The following TBC1D5 variants were observed in gnomAD, a reference collection of about 807,000 sequenced individuals.
The protein encoded by TBC1D5 is TBC1 domain family, member 5.
Under a neutral mutation model 100.3 loss-of-function variants are expected in TBC1D5, and 75 were observed. The ratio of observed to expected loss-of-function variants is 0.75; its 90% CI spans 0.62 to 0.91. TBC1D5 has a LOEUF of 0.91. Among genes scored for constraint, TBC1D5 ranks in the 40% least tolerant of loss-of-function variants. The pLI is 0.00. For missense variants in TBC1D5, 910 were observed against 942.4 expected, an observed-to-expected ratio of 0.97 and a Z score of 0.45; for synonymous variants, 323 against 325.6, an observed-to-expected ratio of 0.99 and a Z score of 0.09.
rs2086101842 is a variant in TBC1D5, at chr3:17,326,098, T to A, written c.996-17964A>T. Among the ~76,000 whole-genome samples, 5 of 152,304 alleles carry A rather than the reference T, an allele frequency of 3.3e-5. No homozygotes were observed. The South Asian group carries it at 8.3e-4, about 25-fold the overall frequency. On this transcript the variant is annotated intron_variant, in intron 13 of 21. Transcript: ENST00000253692. Reference sequence around the variant, plus strand: ...ATGTAAGGAAGAAAAGAATATTAAATATCTAATAGAAATATAAACAGGCAC... The same window carrying A: ...ATGTAAGGAAGAAAAGAATATTAAAAATCTAATAGAAATATAAACAGGCAC...
intron 4 of TBC1D5, among the ~76,000 whole-genome samples, chr3:17,413,204 T>C (rs1410846964): frequency 6.6e-6 from 1 of 151,846 alleles, no homozygotes; most frequent in Non-Finnish European, 1.5e-5. Context: ...TGAAGATGAG[T>C]AGGTTTCATT....
intron 17 of TBC1D5, among the ~76,000 whole-genome samples, chr3:17,228,616 G>A (rs899002519): frequency 7.9e-5 from 12 of 151,956 alleles, no homozygotes; most frequent in African/African-American, 1.9e-4. Flanking sequence ...GCCTGGCAGA[G>A]CAACTGAAAT....
intron 1 of TBC1D5, among the ~76,000 whole-genome samples, chr3:17,703,903 GTTT>G (rs36000123): frequency 0.51 from 74,483 of 145,062 alleles, 20,149 homozygotes; most frequent in East Asian, 0.94. Flanking sequence ...TGATATTTGT[GTTT>G]TTTTTTTGTT....
At chr3:17,677,306 GA>G (rs2068771840) in intron 1 of TBC1D5, among the ~76,000 whole-genome samples, 1 of 151,894 alleles carries the variant, frequency 6.6e-6, no homozygotes, top group South Asian at 2.1e-4. Context: ...AAATTTACAA[GA>G]AAAAAACAAC....
At chr3:17,222,927 T>A (rs1434605503) in intron 17 of TBC1D5, among the ~76,000 whole-genome samples, 1 of 152,090 alleles carries the variant, frequency 6.6e-6, no homozygotes, top group African/African-American at 2.4e-5. Context: ...TAGAAAAAGT[T>A]AGCATTTTGG....
chr3:17,480,583 C>A (rs2095490539), intron 3 of TBC1D5, among the ~76,000 whole-genome samples: 1 of 152,240 alleles, frequency 6.6e-6, no homozygotes, highest in Admixed American at 6.5e-5. Flanking sequence ...TGGAAAGGAG[C>A]TACCCACTCC....
chr3:17,484,455 G>GGTGTGTGTGTGTGTGTGTGTGT lies in TBC1D5; in HGVS notation c.97+23997_97+24018dup, dbSNP rs34847216. Among the ~76,000 whole-genome samples the GGTGTGTGTGTGTGTGTGTGTGT allele has an allele frequency of 2.2e-3, 249 of 111,534 alleles. 10 individuals carry two copies. The highest frequency in any genetic ancestry group is 3.1e-3 in the South Asian group (10 of 3,244). 73.2% of individuals were successfully genotyped at this position (111,534 alleles called of 152,430 possible). On this transcript the variant is annotated intron_variant, in intron 3 of 21. Transcript: ENST00000253692. The stretch of plus-strand genomic sequence containing the variant: ...TTTAAAGATAATAAGGTAACACCAG[G>GGTGTGTGTGTGTGTGTGTGTGT]GTGTGTGTGTGTGTGTGTGTGTGTG...
chr3:17,298,607 G>A (rs954748524), intron 14 of TBC1D5, among the ~76,000 whole-genome samples: 2 of 152,156 alleles, frequency 1.3e-5, no homozygotes, highest in African/African-American at 4.8e-5. Context: ...GGTCTTACTT[G>A]TATATGAGGG....
At chr3:17,439,908 T>C (rs1381964043) in intron 3 of TBC1D5, among the ~76,000 whole-genome samples, 1 of 152,214 alleles carries the variant, frequency 6.6e-6, no homozygotes, top group Non-Finnish European at 1.5e-5. Context: ...AAATTATTCA[T>C]TACCTAGACA....
chr3:17,594,291 C>T (rs1308271468), intron 2 of TBC1D5, among the ~76,000 whole-genome samples: 3 of 152,106 alleles, frequency 2.0e-5, no homozygotes, highest in Non-Finnish European at 4.4e-5. Flanking sequence ...TCCATTAGGG[C>T]GTCTCTTAGT....
chr3:17,545,316 G>A (rs1191742612), intron 2 of TBC1D5, among the ~76,000 whole-genome samples: 4 of 152,146 alleles, frequency 2.6e-5, no homozygotes, highest in Non-Finnish European at 5.9e-5. Context: ...TGAAGACACA[G>A]GGAGAAGACT....
intron 2 of TBC1D5, among the ~76,000 whole-genome samples, chr3:17,528,057 G>T (rs1005756026): frequency 3.9e-5 from 6 of 152,004 alleles, no homozygotes; most frequent in Middle Eastern, 3.4e-3. Context: ...GGTTTTTTAG[G>T]GGGGGCTGGG....
At chr3:17,354,693 T>C (rs991855780) in intron 13 of TBC1D5, among the ~76,000 whole-genome samples, 2 of 151,268 alleles carry the variant, frequency 1.3e-5, no homozygotes, top group Non-Finnish European at 2.9e-5. Flanking sequence ...TTTTTACAAC[T>C]AGAGGAAATA....
chr3:17,203,176 C>G (rs2470581), intron 18 of TBC1D5, among the ~76,000 whole-genome samples: 71,034 of 152,104 alleles, frequency 0.47, 17,963 homozygotes, highest in African/African-American at 0.63. Flanking sequence ...GTCTGGATGT[C>G]AGACATGGAG....
chr3:17,194,596 A>G (rs964097302), intron 18 of TBC1D5, among the ~76,000 whole-genome samples: 6 of 152,254 alleles, frequency 3.9e-5, no homozygotes, highest in African/African-American at 1.4e-4. Context: ...GTATCAGAGA[A>G]TAAAAGATGC....
chr3:17,409,687 T>C (rs556233217), intron 4 of TBC1D5, among the ~76,000 whole-genome samples: 1 of 152,098 alleles, frequency 6.6e-6, no homozygotes, highest in African/African-American at 2.4e-5. Flanking sequence ...AGAGAAAGTT[T>C]GAATGGTCTG....
chr3:17,253,066 C>T (rs2077308788), intron 16 of TBC1D5, among the ~76,000 whole-genome samples: 1 of 152,180 alleles, frequency 6.6e-6, no homozygotes, highest in African/African-American at 2.4e-5. Context: ...TGAATAAATA[C>T]ATACTGTTTT....
chr3:17,690,772 C>T (rs145858457), intron 1 of TBC1D5, among the ~76,000 whole-genome samples: 4 of 152,168 alleles, frequency 2.6e-5, no homozygotes, highest in African/African-American at 7.2e-5. Context: ...CAGTTTCATC[C>T]GAAAACCATA....
intron 4 of TBC1D5, among the ~76,000 whole-genome samples, chr3:17,422,463 T>C (rs1194217601): frequency 2.0e-5 from 3 of 151,906 alleles, no homozygotes; most frequent in Admixed American, 6.6e-5. Context: ...CTGAGATTAC[T>C]GGGGTAAGCC....
Sources: gnomAD v4.1 joint callset for allele counts (sites outside exome capture counted in the v4.1 genomes callset) on GRCh38, gnomAD v4.1.1 for gene constraint, MANE v1.5 for transcripts, NCBI Gene and HGNC (gene_info 2026-07-23, HGNC 2026-07-21) for gene names.